Variants in GLB1 observed in about 807,000 individuals in gnomAD.
GLB1 encodes the protein galactosidase beta 1, also known as beta-galactosidase.
A neutral mutation model predicts 74.0 loss-of-function variants in GLB1; 56 were observed. That is an observed-to-expected ratio of 0.76 (90% confidence interval 0.61 to 0.94). GLB1 has a LOEUF of 0.94. GLB1 is among the 40% of genes least tolerant of loss of function. The pLI is 0.00. For missense variants in GLB1, 787 were observed against 845.5 expected (o/e 0.93, Z 0.86); for synonymous variants, 323 against 323.6 (o/e 1.00, Z 0.02).
intron 1 of GLB1, chr3:33,092,278 A>G: frequency 1.0e-6 from 1 of 986,556 alleles, no homozygotes; most frequent in South Asian, 4.7e-5. Context: ...AATAGAGGTG[A>G]TCCTGATAGA....
At chr3:33,001,129 C>A (rs1017074258) in intron 15 of GLB1, among the ~76,000 whole-genome samples, 4 of 151,956 alleles carry the variant, frequency 2.6e-5, no homozygotes, top group Non-Finnish European at 5.9e-5. Context: ...CCTTCTCTTT[C>A]TTCTCCTTCT....
At chr3:33,053,580 A>G (rs1343736188) in intron 6 of GLB1, 31 bp from the exon 7 acceptor site, 1 of 1,613,940 alleles carries the variant, frequency 6.2e-7, no homozygotes, top group Non-Finnish European at 8.5e-7. Flanking sequence ...AAGGTAGGTC[A>G]GTCGTGGAAA....
chr3:33,045,410 G>A, intron 10 of GLB1: 1 of 985,248 alleles, frequency 1.0e-6, no homozygotes, highest in Non-Finnish European at 1.2e-6. Flanking sequence ...ATTGGCTTAA[G>A]GTTGAAGAAA....
At position 33,066,690 on chromosome 3, in the gene GLB1, A is replaced by T. The variant is rs546642732; in HGVS notation, c.458-1133T>A. On this transcript the variant is annotated intron_variant, in intron 4 of 15. Transcript: ENST00000307363. ...GAAGAAAAGAGTGACTGAACAGTGT[A>T]TCCTCTTCTCAGTCACAGGAAGGCT... is the stretch of plus-strand genomic sequence containing the variant. Among the ~76,000 whole-genome samples the T allele has an allele frequency of 2.6e-5, 4 of 152,348 alleles. 1 individual carries two copies. In the South Asian group the frequency reaches 8.3e-4, roughly 32 times the overall value.
chr3:33,051,297 A>G (rs1369789569), intron 9 of GLB1, among the ~76,000 whole-genome samples: 3 of 149,280 alleles, frequency 2.0e-5, no homozygotes, highest in Admixed American at 6.7e-5. Context: ...GGTAATCCTT[A>G]TATGTTAGAA....
intron 14 of GLB1, among the ~76,000 whole-genome samples, 177 bp downstream of exon 14, chr3:33,016,532 T>A (rs939320656): frequency 3.3e-5 from 5 of 152,166 alleles, no homozygotes; most frequent in Non-Finnish European, 7.3e-5. Flanking sequence ...AAGTTTTTAA[T>A]TCTTTGTAGA....
the GLB1 span, among the ~76,000 whole-genome samples, chr3:32,991,596 A>T: frequency 1.3e-5 from 2 of 152,198 alleles, no homozygotes; most frequent in African/African-American, 4.8e-5. Context: ...ATGGCCATGC[A>T]GCTTCCACCT....
the GLB1 span, among the ~76,000 whole-genome samples, chr3:32,977,843 G>GA: frequency 6.6e-6 from 1 of 152,162 alleles, no homozygotes; most frequent in East Asian, 1.9e-4. Context: ...AGGCATGGGA[G>GA]AGTTTACTAT....
chr3:32,996,260 A>C (rs4678524), downstream of GLB1, among the ~76,000 whole-genome samples: 43,813 of 152,166 alleles, frequency 0.29, 6,751 homozygotes, highest in Middle Eastern at 0.42. Context: ...CTATCTGTGC[A>C]CATACACAGC....
chr3:33,072,514 T>G, intron 2 of GLB1, 30 bp downstream of exon 2: 1 of 1,612,364 alleles, frequency 6.2e-7, no homozygotes, highest in Non-Finnish European at 8.5e-7. Context: ...TGTTCAGGCC[T>G]AGGTGAGAGC....
rs1701069831 is a variant in GLB1 at position 33,097,126 on chromosome 3, G to A, written c.-41C>T. The stretch of plus-strand genomic sequence containing the variant: ...GGCTCTGCAGTCGGCGCCCAGGCCG[G>A]CCGCTTCGCGTCACTTGACTAAGGA... On this transcript the variant is annotated 5_prime_UTR_variant, in exon 1 of 16. Coordinates refer to ENST00000307363, the MANE Select transcript of GLB1 (RefSeq NM_000404.4). The A allele has an allele frequency of 1.2e-6, 2 of 1,605,794 alleles. No individual in the cohort carries two copies. Among genetic ancestry groups the A allele is most frequent in the African/African-American group, 1.3e-5 (1 of 74,422 alleles).
At chr3:32,982,071 T>C in the GLB1 span, among the ~76,000 whole-genome samples, 1 of 152,184 alleles carries the variant, frequency 6.6e-6, no homozygotes, top group Admixed American at 6.5e-5. Context: ...CTCAGCACTT[T>C]GGGAGGCTGA....
chr3:33,083,229 C>T (rs1462283940), intron 1 of GLB1, among the ~76,000 whole-genome samples: 1 of 152,010 alleles, frequency 6.6e-6, no homozygotes, highest in Non-Finnish European at 1.5e-5. Flanking sequence ...AAAACCTCAT[C>T]TATACTAAAA....
intron 1 of GLB1, chr3:33,092,529 G>A: frequency 8.8e-7 from 1 of 1,135,824 alleles, no homozygotes; most frequent in South Asian, 3.8e-5. Flanking sequence ...TTCATCCCTG[G>A]GAGCTCTGCA....
the GLB1 span, among the ~76,000 whole-genome samples, chr3:32,986,594 CT>C: frequency 0.32 from 45,920 of 142,132 alleles, 7,330 homozygotes; most frequent in African/African-American, 0.41. Flanking sequence ...GACTGTTTCT[CT>C]TTTTTTTTTT....
chr3:33,055,792 A>G (rs1699190619), intron 6 of GLB1, among the ~76,000 whole-genome samples: 1 of 151,188 alleles, frequency 6.6e-6, no homozygotes, highest in Non-Finnish European at 1.5e-5. Context: ...AAAGGCAAAA[A>G]CTGCAATCAC....
In GLB1 at chr3:33,066,435, G is replaced by C. The variant is rs80048506; in HGVS notation, c.458-878C>G. Among the ~76,000 whole-genome samples, 681 of 152,214 alleles carry C rather than the reference G, an allele frequency of 4.5e-3. 8 individuals carry two copies. The highest frequency in any genetic ancestry group is 0.015 in the African/African-American group (642 of 41,540). ...GCCCCCTCACCATGTGATGCCCTGT[G>C]CCCCCTCAGGACTCTGCAGAGTCCC... On this transcript the variant is annotated intron_variant, in intron 4 of 15. Coordinates refer to ENST00000307363, the MANE Select transcript of GLB1 (RefSeq NM_000404.4).
the GLB1 span, among the ~76,000 whole-genome samples, chr3:32,984,770 C>T: frequency 1.3e-5 from 2 of 151,744 alleles, no homozygotes; most frequent in African/African-American, 4.8e-5. Context: ...AGTGAAACCC[C>T]GTCTCTACTA....
chr3:32,964,514 A>C, the GLB1 span, among the ~76,000 whole-genome samples: 1 of 152,252 alleles, frequency 6.6e-6, no homozygotes, highest in South Asian at 2.1e-4. Flanking sequence ...AAGGTGCAGT[A>C]AAAAGTTCAC....
Sources: gnomAD v4.1 joint callset for allele counts (sites outside exome capture counted in the v4.1 genomes callset) on GRCh38, gnomAD v4.1.1 for gene constraint, MANE v1.5 for transcripts, NCBI Gene and HGNC (gene_info 2026-07-23, HGNC 2026-07-21) for gene names.